F5: variants seen among roughly 807,000 people sequenced by gnomAD.
F5 encodes coagulation factor V.
A neutral mutation model predicts 216.4 loss-of-function variants in F5; 138 were observed. That is an observed-to-expected ratio of 0.64 (90% CI 0.56 to 0.73). The LOEUF is 0.73. F5 is among the 30% of genes least tolerant of loss of function. The probability of loss-of-function intolerance (pLI) is 0.00; values close to 1 mark genes in which losing one functional copy is unlikely to be tolerated. For synonymous variants in F5, 916 were observed against 930.7 expected (o/e 0.98, Z 0.29); for missense variants, 2,403 against 2,674.0 (o/e 0.90, Z 2.24).
chr1:169,566,944 CAT>C (rs538209931), intron 3 of F5, among the ~76,000 whole-genome samples: 44 of 152,110 alleles, frequency 2.9e-4, no homozygotes, highest in African/African-American at 9.2e-4. Flanking sequence ...TCTGGTAACA[CAT>C]GTGAGTAAGA....
chr1:169,567,820 T>A (rs924142705), intron 3 of F5, among the ~76,000 whole-genome samples: 5 of 152,134 alleles, frequency 3.3e-5, no homozygotes, highest in Admixed American at 3.3e-4. Context: ...CTAGGGTACA[T>A]GTTGGTGCCC....
At chr1:169,571,945 C>T (rs1003355638) in intron 3 of F5, among the ~76,000 whole-genome samples, 25 of 152,194 alleles carry the variant, frequency 1.6e-4, no homozygotes, top group Admixed American at 5.9e-4. Flanking sequence ...TTATTATTCC[C>T]ATTTTAAGAT....
intron 14 of F5, among the ~76,000 whole-genome samples, chr1:169,533,919 AAAG>A (rs1160527030): frequency 2.6e-5 from 4 of 152,124 alleles, no homozygotes; most frequent in East Asian, 3.9e-4. Context: ...GCCTCCAAAG[AAAG>A]AAGAAGTAAA....
At chr1:169,530,688 A>T in intron 15 of F5, 98 bp downstream of exon 15, 1 of 1,110,892 alleles carries the variant, frequency 9.0e-7, no homozygotes, top group Non-Finnish European at 1.4e-6. Context: ...GAAAAGCAAG[A>T]CAGACATTTG....
Position 169,546,208 on chromosome 1 carries a change from C to CAT in F5, c.1762+233_1762+234insAT, listed in dbSNP as rs112177003. Among the ~76,000 whole-genome samples, 34,082 of 151,290 alleles carry CAT rather than the reference C, an allele frequency of 0.23. 3,835 individuals are homozygous for CAT. The highest frequency in any genetic ancestry group is 0.32 in the Admixed American group (4,918 of 15,154). ...ACACACACACACACACACACACACA[C>CAT]GCTTGGAATAGAAGATCAAACGCAT... is the stretch of plus-strand genomic sequence containing the variant. On this transcript the variant is annotated intron_variant, in intron 11 of 24. Coordinates refer to ENST00000367797, the MANE Select transcript of F5 (RefSeq NM_000130.5).
intron 2 of F5, among the ~76,000 whole-genome samples, chr1:169,579,906 C>T (rs1301939215): frequency 6.6e-6 from 1 of 152,036 alleles, no homozygotes; most frequent in Non-Finnish European, 1.5e-5. Context: ...CTTTTAGGGA[C>T]TCCCTATTCC....
At chr1:169,522,120 T>G (rs1298881215) in intron 21 of F5, among the ~76,000 whole-genome samples, 1 of 152,186 alleles carries the variant, frequency 6.6e-6, no homozygotes, top group African/African-American at 2.4e-5. Context: ...ACAAAGTATT[T>G]CAATTCACCC....
At chr1:169,543,364 G>A (rs9332603) in intron 12 of F5, among the ~76,000 whole-genome samples, 20 of 152,224 alleles carry the variant, frequency 1.3e-4, no homozygotes, top group African/African-American at 4.8e-4. Flanking sequence ...GTGACTCTAA[G>A]CACATGACCA....
intron 4 of F5, 146 bp from the exon 5 acceptor site, chr1:169,559,442 T>C (rs763662731): frequency 1.0e-4 from 86 of 847,072 alleles, no homozygotes; most frequent in Non-Finnish European, 1.6e-4. Flanking sequence ...AGCATATTTA[T>C]CAAGTAATAA....
chr1:169,512,356 TTAG>T lies in F5; in HGVS notation c.*1954_*1956del, dbSNP rs1169215083. Among the ~76,000 whole-genome samples the T allele has an allele frequency of 6.6e-6, 1 of 152,040 alleles. No individual in the cohort carries two copies. The highest frequency in any genetic ancestry group is 1.5e-5 in the Non-Finnish European group (1 of 67,984). On this transcript the variant is annotated 3_prime_UTR_variant, in exon 25 of 25. Coordinates refer to ENST00000367797, the MANE Select transcript of F5 (RefSeq NM_000130.5). ...AAGATTTTCTTGCCCCTATTATGCCTTAGTAAATTCTAGATCAAGAGAGATCCT... is the reference window on the plus strand; with the variant it reads ...AAGATTTTCTTGCCCCTATTATGCCTTAAATTCTAGATCAAGAGAGATCCT...
At chr1:169,524,187 T>C (rs1659375326) in intron 19 of F5, among the ~76,000 whole-genome samples, 1 of 152,224 alleles carries the variant, frequency 6.6e-6, no homozygotes, top group South Asian at 2.1e-4. Flanking sequence ...TGTGCCTGCC[T>C]AACAGGAAGA....
At chr1:169,550,556 C>A in intron 9 of F5, 84 bp downstream of exon 9, 3 of 1,007,880 alleles carry the variant, frequency 3.0e-6, no homozygotes, top group Non-Finnish European at 4.7e-6. Context: ...AGTAGTGACA[C>A]CACCGGGCAA....
At chr1:169,540,206 G>T in intron 13 of F5, 88 bp downstream of exon 13, 2 of 1,387,752 alleles carry the variant, frequency 1.4e-6, no homozygotes, top group Non-Finnish European at 2.0e-6. Context: ...AGTATAATTT[G>T]CCCACAATTA....
At chr1:169,544,625 C>T in intron 11 of F5, 117 bp from the exon 12 acceptor site, 1 of 855,524 alleles carries the variant, frequency 1.2e-6, no homozygotes, top group Non-Finnish European at 1.9e-6. Flanking sequence ...CAGTGATTAT[C>T]CAAGATAAGC....
intron 3 of F5, among the ~76,000 whole-genome samples, chr1:169,569,010 G>A (rs9332545): frequency 9.9e-5 from 15 of 152,130 alleles, no homozygotes; most frequent in South Asian, 4.1e-4. Context: ...CAATGCTGAC[G>A]TTTTATAAAG....
intron 12 of F5, among the ~76,000 whole-genome samples, chr1:169,543,360 CTA>C (rs1179078465): frequency 6.6e-6 from 1 of 152,132 alleles, no homozygotes; most frequent in Non-Finnish European, 1.5e-5. Context: ...TGCTGTGACT[CTA>C]AGCACATGAC....
rs987542246 is a variant in F5, at chr1:169,530,951, T to C, written c.5043A>G (p.Ser1681=). 1.9e-6 allele frequency: 3 copies of C among 1,613,798 alleles called. No individual in the cohort carries two copies. Among genetic ancestry groups the C allele is most frequent in the Admixed American group, 3.3e-5 (2 of 59,984 alleles). ...HAHGLSYEKS[S]EGKTYEDDSP... is the part of the protein sequence containing the mutation. ...AGTCATCTTCATAAGTCTTTCCCTC[T>C]GATGATTTTTCATAGGAAAGTCCAT... Residue 1681 remains serine, a synonymous_variant, in exon 15 of 25, where the codon TCA becomes TCG. Transcript: ENST00000367797.
In F5 at chr1:169,525,944, G is replaced by A; in HGVS notation, c.5673C>T (p.Asn1891=). The change falls in exon 18 of 25, where the codon AAC becomes AAT. Residue 1891 remains asparagine, a synonymous_variant. Transcript: ENST00000367797. ...ATGGCGTTTGCATCCCTGCTCTCTG[G>A]TTTTCTCCAACCTCTGTGTTTAGGA... is the stretch of plus-strand genomic sequence containing the variant. ...WWLLNTEVGE[N]QRAGMQTPFL... The A allele has an allele frequency of 6.2e-7, 1 of 1,613,192 alleles. No homozygotes were observed. Among genetic ancestry groups the A allele is most frequent in the Non-Finnish European group, 8.5e-7 (1 of 1,179,408 alleles).
intron 7 of F5, among the ~76,000 whole-genome samples, chr1:169,553,316 G>T (rs12120605): frequency 0.072 from 10,910 of 152,182 alleles, 522 homozygotes; most frequent in South Asian, 0.1. Context: ...CTTTTCCCCT[G>T]CCCTCTTTAT....
Sources: allele counts gnomAD v4.1 joint callset (sites outside exome capture counted in the v4.1 genomes callset), GRCh38; gene constraint gnomAD v4.1.1; transcripts MANE v1.5; gene names NCBI Gene and HGNC (gene_info 2026-07-23, HGNC 2026-07-21).